Variants in CNTN5 observed in about 807,000 individuals in gnomAD.
The protein encoded by CNTN5 is contactin 5.
In CNTN5, 77 loss-of-function variants were observed where a neutral mutation model predicts 129.1. That is an observed-to-expected ratio of 0.60 (90% CI 0.50 to 0.72). The LOEUF (loss-of-function observed/expected upper bound fraction) is 0.72. Ranked by LOEUF, CNTN5 falls within the 30% of genes least tolerant of loss-of-function variation. CNTN5 has a pLI of 0.00. For missense variants in CNTN5, 1,478 were observed against 1,328.8 expected (o/e 1.11, Z -1.75); for synonymous variants, 509 against 465.6 (o/e 1.09, Z -1.20).
At chr11:99,080,166 A>G (rs967562280) in intron 1 of CNTN5, among the ~76,000 whole-genome samples, 2 of 152,222 alleles carry the variant, frequency 1.3e-5, no homozygotes, top group African/African-American at 4.8e-5. Context: ...GAAGAAGAGA[A>G]AAATAAAGGC....
chr11:99,744,873 C>T (rs942477117), intron 3 of CNTN5, among the ~76,000 whole-genome samples: 3 of 151,030 alleles, frequency 2.0e-5, no homozygotes, highest in African/African-American at 2.4e-5. Flanking sequence ...GTTGGCTTAT[C>T]TGCCAATGCC....
intron 1 of CNTN5, among the ~76,000 whole-genome samples, chr11:99,167,816 T>A (rs1469928172): frequency 6.6e-6 from 1 of 152,200 alleles, no homozygotes; most frequent in Non-Finnish European, 1.5e-5. Context: ...TCATAATCTA[T>A]TTTGATATAA....
intron 17 of CNTN5, among the ~76,000 whole-genome samples, chr11:100,264,679 G>T (rs753664411): frequency 3.9e-5 from 6 of 152,108 alleles, no homozygotes; most frequent in Non-Finnish European, 5.9e-5. Flanking sequence ...TGTCAATAGT[G>T]CTGCAATAAA....
rs1950891903 is a variant in CNTN5, at chr11:99,959,708, T to C, written c.877+2699T>C. Among the ~76,000 whole-genome samples the C allele has an allele frequency of 2.0e-5, 3 of 152,214 alleles. No homozygotes were observed. The South Asian group carries it at 6.2e-4, about 32-fold the overall frequency. The stretch of plus-strand genomic sequence containing the variant: ...AAGTCATTATTTGAGAAGTACTATA[T>C]AAAAGGCTCAATAAAGCAAGTATAA... On this transcript the variant is annotated intron_variant, in intron 8 of 24. Coordinates refer to ENST00000524871, the MANE Select transcript of CNTN5 (RefSeq NM_014361.4).
intron 1 of CNTN5, among the ~76,000 whole-genome samples, 157 bp from the exon 2 acceptor site, chr11:99,325,189 G>A (rs1020159281): frequency 2.6e-5 from 4 of 151,942 alleles, no homozygotes; most frequent in Admixed American, 2.0e-4. Flanking sequence ...CTAATTAGAA[G>A]CTGTATGTGT....
At chr11:99,095,368 T>G (rs2135331966) in intron 1 of CNTN5, among the ~76,000 whole-genome samples, 1 of 152,076 alleles carries the variant, frequency 6.6e-6, no homozygotes, top group South Asian at 2.1e-4. Context: ...TGTACTCTGT[T>G]ATTGAAAATA....
intron 1 of CNTN5, among the ~76,000 whole-genome samples, chr11:99,150,720 G>T (rs1034718697): frequency 6.6e-6 from 1 of 151,848 alleles, no homozygotes; most frequent in East Asian, 1.9e-4. Flanking sequence ...AATAGCAGTC[G>T]TATTCAATTC....
intron 1 of CNTN5, among the ~76,000 whole-genome samples, chr11:99,087,718 G>A (rs571474163): frequency 3.9e-5 from 6 of 152,302 alleles, no homozygotes; most frequent in African/African-American, 1.4e-4. Context: ...AATATTAGCA[G>A]AAGTGAATTC....
At chr11:100,288,867 C>G (rs1375597846) in intron 18 of CNTN5, among the ~76,000 whole-genome samples, 12 of 151,672 alleles carry the variant, frequency 7.9e-5, no homozygotes, top group African/African-American at 2.9e-4. Flanking sequence ...GCTAGCAAGA[C>G]TAATAAAGAA....
chr11:100,333,411 A>G (rs1013864484), intron 21 of CNTN5, among the ~76,000 whole-genome samples: 8 of 79,828 alleles, frequency 1.0e-4, no homozygotes, highest in South Asian at 4.3e-4. Context: ...TGAATTAGAA[A>G]AAAAAAAAAA....
At position 99,157,607 on chromosome 11, in the gene CNTN5, A is replaced by C. The variant is rs7936189; in HGVS notation, c.-210+136337A>C. On this transcript the variant is annotated intron_variant, in intron 1 of 24. Transcript: ENST00000524871. Reference sequence around the variant, plus strand: ...TTTGGTAAAAATATACCTATACTGGAAATTGGGATAAGAGGACATTAAGGT... The same window carrying C: ...TTTGGTAAAAATATACCTATACTGGCAATTGGGATAAGAGGACATTAAGGT... Among the ~76,000 whole-genome samples the C allele has an allele frequency of 2.6e-3, 396 of 152,204 alleles. 1 individual carries two copies. Among genetic ancestry groups the C allele is most frequent in the African/African-American group, 8.9e-3 (371 of 41,556 alleles).
At chr11:99,175,175 A>G (rs1323482873) in intron 1 of CNTN5, among the ~76,000 whole-genome samples, 1 of 152,180 alleles carries the variant, frequency 6.6e-6, no homozygotes, top group African/African-American at 2.4e-5. Flanking sequence ...TCAAGGCTGT[A>G]GTAAGCCGAG....
chr11:99,388,439 T>C (rs998430310), intron 2 of CNTN5, among the ~76,000 whole-genome samples: 7 of 131,388 alleles, frequency 5.3e-5, no homozygotes, highest in African/African-American at 1.1e-4. Flanking sequence ...AAACATGTTT[T>C]CACAGCTCCT....
At chr11:99,816,288 C>T (rs1946583893) in intron 3 of CNTN5, among the ~76,000 whole-genome samples, 2 of 152,166 alleles carry the variant, frequency 1.3e-5, no homozygotes, top group African/African-American at 2.4e-5. Flanking sequence ...TCTTATTTCA[C>T]ATACTTCCTT....
At chr11:100,208,509 C>T (rs1361779470) in intron 15 of CNTN5, among the ~76,000 whole-genome samples, 1 of 152,116 alleles carries the variant, frequency 6.6e-6, no homozygotes, top group Non-Finnish European at 1.5e-5. Flanking sequence ...ACTCCTTAGG[C>T]CTAGACTCAG....
At chr11:100,055,783 T>G (rs1943194879) in intron 9 of CNTN5, among the ~76,000 whole-genome samples, 2 of 151,618 alleles carry the variant, frequency 1.3e-5, no homozygotes, top group Non-Finnish European at 3.0e-5. Context: ...TGCTTATGGA[T>G]TCATGTCCTT....
intron 1 of CNTN5, among the ~76,000 whole-genome samples, chr11:99,296,064 G>A (rs1389342183): frequency 6.6e-6 from 1 of 152,002 alleles, no homozygotes; most frequent in Non-Finnish European, 1.5e-5. Flanking sequence ...GCACTTAATA[G>A]GCCCCCTTTT....
At chr11:99,410,447 A>G (rs992800334) in intron 2 of CNTN5, among the ~76,000 whole-genome samples, 1 of 152,182 alleles carries the variant, frequency 6.6e-6, no homozygotes, top group Non-Finnish European at 1.5e-5. Flanking sequence ...GAGCCATGAA[A>G]GACTGTTCTA....
At chr11:100,054,488 G>A (rs1177354703) in intron 9 of CNTN5, among the ~76,000 whole-genome samples, 1 of 151,666 alleles carries the variant, frequency 6.6e-6, no homozygotes, top group East Asian at 1.9e-4. Context: ...CATTTTTAAC[G>A]TTCTGTCTTG....
Sources: allele counts gnomAD v4.1 joint callset (sites outside exome capture counted in the v4.1 genomes callset), GRCh38; gene constraint gnomAD v4.1.1; transcripts MANE v1.5; gene names NCBI Gene and HGNC (gene_info 2026-07-23, HGNC 2026-07-21).